NUP93: variants seen among roughly 807,000 people sequenced by gnomAD.
NUP93 encodes nucleoporin 93.
Under a neutral mutation model 107.8 loss-of-function variants are expected in NUP93, and 55 were observed. The ratio of observed to expected loss-of-function variants is 0.51; its 90% confidence interval spans 0.41 to 0.64. The LOEUF (loss-of-function observed/expected upper bound fraction) is 0.64, where lower values mean the gene tolerates loss of function less well. Among genes scored for constraint, NUP93 ranks in the 30% least tolerant of loss-of-function variants. NUP93 has a pLI of 0.00. For synonymous variants in NUP93, 390 were observed against 397.5 expected (o/e 0.98, Z 0.22); for missense variants, 937 against 1,044.7 (o/e 0.90, Z 1.42).
intron 4 of NUP93, among the ~76,000 whole-genome samples, chr16:56,800,075 C>G (rs1312749750): frequency 6.6e-6 from 1 of 152,102 alleles, no homozygotes; most frequent in Non-Finnish European, 1.5e-5. Context: ...CCCAGCTACT[C>G]AAGAGGCTGA....
intron 9 of NUP93, among the ~76,000 whole-genome samples, chr16:56,830,017 A>C (rs1179683698): frequency 6.6e-6 from 1 of 152,218 alleles, no homozygotes; most frequent in Non-Finnish European, 1.5e-5. Flanking sequence ...GAGAGTGGGA[A>C]CGGAGCTGTC....
chr16:56,823,547 G>A (rs187216500), intron 7 of NUP93, among the ~76,000 whole-genome samples, 160 bp from the exon 8 acceptor site: 7 of 152,292 alleles, frequency 4.6e-5, no homozygotes, highest in Admixed American at 1.3e-4. Flanking sequence ...CAGCAGAGAC[G>A]CATCTTCTGC....
chr16:56,841,847 A>T lies in NUP93; in HGVS notation c.2349+14A>T. 1 of 1,613,448 alleles carries T rather than the reference A, an allele frequency of 6.2e-7. No individual in the cohort carries two copies. The highest frequency in any genetic ancestry group is 8.5e-7 in the Non-Finnish European group (1 of 1,179,694). ...GACCGCGACTCTGTAAGATCCCAGC[A>T]TTCGCGAGAAACATTGCTAAGCACC... On this transcript the variant is annotated intron_variant, in intron 21 of 21. Transcript: ENST00000308159.
rs754616020 is a variant in NUP93 at position 56,844,567 on chromosome 16, C to T, written c.2418C>T (p.Asp806=). 1.3e-6 allele frequency: 2 copies of T among 1,588,434 alleles called. No individual in the cohort carries two copies. The highest frequency in any genetic ancestry group is 1.8e-5 in the Admixed American group (1 of 56,478). The change falls in exon 22 of 22, where the codon GAC becomes GAT. Residue 806 remains aspartate, a synonymous_variant. Transcript: ENST00000308159. ...TGATACCATACCGAACGTCTGGGGA[C>T]ACCAATGCGAGGCTGGTGCAGATGG... is the stretch of plus-strand genomic sequence containing the variant. ...AGMIPYRTSG[D]TNARLVQMEV...
chr16:56,765,726 G>A (rs1432098110), intron 3 of NUP93, among the ~76,000 whole-genome samples: 1 of 152,070 alleles, frequency 6.6e-6, no homozygotes, highest in African/African-American at 2.4e-5. Flanking sequence ...ATTAAACCCT[G>A]ACCCAGTATA....
At chr16:56,761,282 G>A (rs763174382) in intron 3 of NUP93, among the ~76,000 whole-genome samples, 4 of 152,090 alleles carry the variant, frequency 2.6e-5, no homozygotes, top group East Asian at 1.9e-4. Context: ...TCCTATACAC[G>A]TATCCTTCCC....
At chr16:56,827,499 A>G (rs1212606227) in intron 8 of NUP93, among the ~76,000 whole-genome samples, 2 of 152,240 alleles carry the variant, frequency 1.3e-5, no homozygotes, top group African/African-American at 4.8e-5. Flanking sequence ...AATAAATTGT[A>G]ACGGAGAAAT....
At chr16:56,756,921 G>A (rs937002058) in intron 2 of NUP93, among the ~76,000 whole-genome samples, 2 of 151,938 alleles carry the variant, frequency 1.3e-5, no homozygotes, top group Non-Finnish European at 2.9e-5. Context: ...TCATATGTTT[G>A]TTGGCTGCAT....
intron 6 of NUP93, among the ~76,000 whole-genome samples, chr16:56,820,277 G>GTAC (rs1275247355): frequency 3.3e-5 from 5 of 152,230 alleles, no homozygotes; most frequent in African/African-American, 1.2e-4. Flanking sequence ...GAGTGAATAA[G>GTAC]TACTACGTCA....
chr16:56,808,627 T>TAAATACATTTATATAAATATATAA (rs1963232150), intron 5 of NUP93, among the ~76,000 whole-genome samples: 1 of 133,096 alleles, frequency 7.5e-6, no homozygotes, highest in Non-Finnish European at 1.5e-5. Flanking sequence ...TATAAATATA[T>TAAATACATTTATATAAATATATAA]AAATACATTT....
In NUP93 at chr16:56,748,255, C is replaced by T; in HGVS notation, c.8C>T (p.Thr3Ile). 1 of 1,609,516 alleles carries T rather than the reference C, an allele frequency of 6.2e-7. No homozygotes were observed. Among genetic ancestry groups the T allele is most frequent in the Non-Finnish European group, 8.5e-7 (1 of 1,177,388 alleles). Residue 3 changes from threonine (T) to isoleucine (I), a missense_variant, in exon 2 of 22, where the codon ACT (threonine) becomes ATT (isoleucine). Thr to Ile is a moderately conservative substitution (Grantham distance 89). Coordinates refer to ENST00000308159, the MANE Select transcript of NUP93 (RefSeq NM_014669.5). MD[T>I]EGFGELLQQA... ...CTAGGATCTGCATCTCCAATGGATA[C>T]TGAGGGGTTTGGTGAGCTCCTTCAG...
intron 3 of NUP93, among the ~76,000 whole-genome samples, chr16:56,792,456 A>T (rs1328287382): frequency 2.6e-5 from 4 of 152,246 alleles, no homozygotes; most frequent in African/African-American, 9.6e-5. Flanking sequence ...TCTGAGTCTG[A>T]ACTTTGCTAC....
Position 56,772,505 on chromosome 16 carries a change from A to C in NUP93, c.297+13850A>C, listed in dbSNP as rs1962340059. ...TCTTTCACCACTGGTCGAATTTCTT[A>C]ATGTTTTGTCCCTGCCTTTCCTCTG... On this transcript the variant is annotated intron_variant, in intron 3 of 21. Coordinates refer to ENST00000308159, the MANE Select transcript of NUP93 (RefSeq NM_014669.5). Among the ~76,000 whole-genome samples, 3 of 152,114 alleles carry C rather than the reference A, an allele frequency of 2.0e-5. No individual in the cohort carries two copies. The South Asian group carries it at 6.2e-4, about 32-fold the overall frequency.
chr16:56,796,839 G>A (rs1208093754), intron 3 of NUP93, among the ~76,000 whole-genome samples: 1 of 152,132 alleles, frequency 6.6e-6, no homozygotes. Context: ...TAGCTGGAGT[G>A]GTGGCACGTG....
chr16:56,834,941 C>T (rs1963880749), intron 16 of NUP93, among the ~76,000 whole-genome samples, 163 bp downstream of exon 16: 1 of 152,106 alleles, frequency 6.6e-6, no homozygotes, highest in Non-Finnish European at 1.5e-5. Flanking sequence ...CAAATGATGA[C>T]CTTGGTTTTA....
intron 4 of NUP93, among the ~76,000 whole-genome samples, chr16:56,801,811 A>C (rs1444466911): frequency 6.6e-6 from 1 of 152,176 alleles, no homozygotes; most frequent in Non-Finnish European, 1.5e-5. Flanking sequence ...GAAAGCTGAT[A>C]GTTTTCAAAG....
chr16:56,805,410 T>G, intron 4 of NUP93, 94 bp from the exon 5 acceptor site: 1 of 1,355,816 alleles, frequency 7.4e-7, no homozygotes, highest in Non-Finnish European at 1.0e-6. Flanking sequence ...GGAGAAGTGG[T>G]TGGTCTGGAG....
intron 10 of NUP93, 39 bp downstream of exon 10, chr16:56,830,724 C>G: frequency 6.8e-7 from 1 of 1,475,952 alleles, no homozygotes; most frequent in Non-Finnish European, 9.1e-7. Flanking sequence ...GGCAGCCATG[C>G]AGAATCAAAG....
chr16:56,744,103 G>A (rs778369115), intron 1 of NUP93, among the ~76,000 whole-genome samples: 1 of 152,098 alleles, frequency 6.6e-6, no homozygotes, highest in African/African-American at 2.4e-5. Flanking sequence ...TCCTGCTTCC[G>A]TGGTTTCTTA....
Sources: allele counts gnomAD v4.1 joint callset (sites outside exome capture counted in the v4.1 genomes callset), GRCh38; gene constraint gnomAD v4.1.1; transcripts MANE v1.5; gene names NCBI Gene and HGNC (gene_info 2026-07-23, HGNC 2026-07-21).